CSMD1: variants seen among roughly 807,000 people sequenced by gnomAD.
CSMD1 encodes CUB and sushi domain-containing protein 1.
A neutral mutation model predicts 417.5 loss-of-function variants in CSMD1; 213 were observed. The ratio of observed to expected loss-of-function variants is 0.51; its 90% confidence interval spans 0.46 to 0.57. The LOEUF (loss-of-function observed/expected upper bound fraction) is 0.57, where lower values mean the gene tolerates loss of function less well. Ranked by LOEUF, CSMD1 falls within the 20% of genes least tolerant of loss-of-function variation. The pLI is 0.00. For missense variants in CSMD1, 6,923 were observed against 4,529.7 expected (o/e 1.53, Z -15.17); for synonymous variants, 2,862 against 1,736.8 (o/e 1.65, Z -16.11).
chr8:4,180,096 T>C (rs910151799), intron 3 of CSMD1, among the ~76,000 whole-genome samples: 5 of 152,088 alleles, frequency 3.3e-5, no homozygotes, highest in African/African-American at 1.2e-4. Context: ...CCAAAGACTA[T>C]AAATCATGCT....
chr8:4,075,219 G>C (rs1029586846), intron 3 of CSMD1, among the ~76,000 whole-genome samples: 4 of 152,052 alleles, frequency 2.6e-5, no homozygotes, highest in South Asian at 4.1e-4. Flanking sequence ...TTTCATTCTA[G>C]TATGTGCAGC....
intron 12 of CSMD1, among the ~76,000 whole-genome samples, chr8:3,455,631 T>C (rs974904363): frequency 4.6e-5 from 7 of 152,250 alleles, no homozygotes; most frequent in African/African-American, 1.2e-4. Context: ...ACAGTGGATA[T>C]TGCTGAACAG....
chr8:3,919,996 T>C (rs1809116607), intron 5 of CSMD1, among the ~76,000 whole-genome samples: 1 of 152,056 alleles, frequency 6.6e-6, no homozygotes. Flanking sequence ...TACCAAATTT[T>C]TTTTTACTTT....
intron 20 of CSMD1, among the ~76,000 whole-genome samples, 180 bp from the exon 21 acceptor site, chr8:3,359,520 C>T (rs1436772428): frequency 6.9e-6 from 1 of 144,496 alleles, no homozygotes; most frequent in Non-Finnish European, 1.5e-5. Flanking sequence ...TGTCTTATGA[C>T]AAATGACATG....
At chr8:4,153,235 G>T (rs1052566099) in intron 3 of CSMD1, among the ~76,000 whole-genome samples, 2 of 152,286 alleles carry the variant, frequency 1.3e-5, no homozygotes, top group African/African-American at 4.8e-5. Flanking sequence ...GGGAGCTGGA[G>T]AGTATGCCAG....
chr8:4,008,642 G>A (rs1468934464), intron 4 of CSMD1, among the ~76,000 whole-genome samples: 34 of 114,392 alleles, frequency 3.0e-4, no homozygotes, highest in African/African-American at 7.4e-4. Context: ...ACAGGGTCTC[G>A]CTCTGTCGCC....
chr8:4,115,238 C>T (rs1250136875), intron 3 of CSMD1, among the ~76,000 whole-genome samples: 1 of 152,198 alleles, frequency 6.6e-6, no homozygotes, highest in African/African-American at 2.4e-5. Context: ...GAGGCAAGAG[C>T]TTCCAGTAGC....
chr8:3,739,087 T>C (rs1281990118), intron 6 of CSMD1, among the ~76,000 whole-genome samples: 1 of 152,230 alleles, frequency 6.6e-6, no homozygotes, highest in Non-Finnish European at 1.5e-5. Context: ...AATTTCAAAA[T>C]AGTGGGGATT....
chr8:4,166,201 T>A (rs1398208228), intron 3 of CSMD1, among the ~76,000 whole-genome samples: 3 of 152,182 alleles, frequency 2.0e-5, no homozygotes, highest in African/African-American at 7.2e-5. Flanking sequence ...AAATAGTCAG[T>A]TTTATGACAT....
Position 3,606,051 on chromosome 8 carries a change from G to T in CSMD1, c.1097+10659C>A, listed in dbSNP as rs568737644. Among the ~76,000 whole-genome samples, 4 of 152,262 alleles carry T rather than the reference G, an allele frequency of 2.6e-5. No homozygotes were observed. In the East Asian group the frequency reaches 7.7e-4, roughly 29 times the overall value. The stretch of plus-strand genomic sequence containing the variant: ...CTACAAAATCACATGATTGTAATGA[G>T]ATGATAGTAACATAAATACATGTAT... On this transcript the variant is annotated intron_variant, in intron 8 of 69. Coordinates refer to ENST00000635120, the MANE Select transcript of CSMD1 (RefSeq NM_033225.6).
At chr8:3,246,608 A>T (rs1355286885) in intron 26 of CSMD1, among the ~76,000 whole-genome samples, 1 of 152,070 alleles carries the variant, frequency 6.6e-6, no homozygotes, top group Non-Finnish European at 1.5e-5. Context: ...AGTAGCTGGG[A>T]TTACAGGCAT....
chr8:3,104,481 G>T (rs1478942660), intron 46 of CSMD1, among the ~76,000 whole-genome samples: 1 of 152,012 alleles, frequency 6.6e-6, no homozygotes, highest in African/African-American at 2.4e-5. Context: ...CTCTGCTCAG[G>T]TAGCGGTTTC....
intron 3 of CSMD1, among the ~76,000 whole-genome samples, chr8:4,322,346 C>T (rs1474405442): frequency 1.3e-5 from 2 of 152,004 alleles, no homozygotes; most frequent in Admixed American, 6.6e-5. Flanking sequence ...AATCTGAGCA[C>T]TGGAGAGAGT....
At chr8:4,283,883 G>A (rs759738148) in intron 3 of CSMD1, among the ~76,000 whole-genome samples, 2 of 152,140 alleles carry the variant, frequency 1.3e-5, no homozygotes, top group South Asian at 4.1e-4. Context: ...CTTTCTCCAT[G>A]TCTTATACAT....
intron 2 of CSMD1, among the ~76,000 whole-genome samples, chr8:4,426,689 AT>A (rs1379416918): frequency 4.1e-5 from 6 of 147,022 alleles, no homozygotes; most frequent in African/African-American, 1.2e-4. Context: ...ATATAGTAAT[AT>A]TTTTATTATA....
chr8:4,040,073 C>T (rs1189295050), intron 3 of CSMD1, among the ~76,000 whole-genome samples: 1 of 152,066 alleles, frequency 6.6e-6, no homozygotes, highest in Non-Finnish European at 1.5e-5. Context: ...GGAAATAATA[C>T]AATTTTCAAA....
At chr8:4,760,481 G>A (rs918820951) in intron 1 of CSMD1, among the ~76,000 whole-genome samples, 7 of 151,958 alleles carry the variant, frequency 4.6e-5, no homozygotes, top group African/African-American at 1.5e-4. Context: ...AATCCTGTGA[G>A]AATTAAAACC....
intron 7 of CSMD1, among the ~76,000 whole-genome samples, chr8:3,706,240 T>C (rs748858518): frequency 6.6e-6 from 1 of 152,246 alleles, no homozygotes; most frequent in Non-Finnish European, 1.5e-5. Context: ...GACAACCCTA[T>C]GGAAAGGATT....
chr8:3,514,035 A>G (rs2117411993), intron 10 of CSMD1, among the ~76,000 whole-genome samples: 1 of 152,324 alleles, frequency 6.6e-6, no homozygotes, highest in Non-Finnish European at 1.5e-5. Flanking sequence ...TTCTTATAAT[A>G]GCACACAGTT....
Sources: allele counts gnomAD v4.1 joint callset (sites outside exome capture counted in the v4.1 genomes callset), GRCh38; gene constraint gnomAD v4.1.1; transcripts MANE v1.5; gene names NCBI Gene and HGNC (gene_info 2026-07-23, HGNC 2026-07-21).